The following SH3RF2 variants were observed in gnomAD, a reference collection of about 807,000 sequenced individuals.
The protein encoded by SH3RF2 is SH3 domain containing ring finger 2, also known as E3 ubiquitin-protein ligase SH3RF2.
A neutral mutation model predicts 59.0 loss-of-function variants in SH3RF2; 43 were observed. The ratio of observed to expected loss-of-function variants is 0.73; its 90% confidence interval spans 0.57 to 0.94. The LOEUF (loss-of-function observed/expected upper bound fraction) is 0.94, where lower values mean the gene tolerates loss of function less well. Among genes scored for constraint, SH3RF2 ranks in the 40% least tolerant of loss-of-function variants. SH3RF2 has a pLI of 0.00. For synonymous variants in SH3RF2, 391 were observed against 391.5 expected (o/e 1.00, Z 0.01); for missense variants, 930 against 940.1 (o/e 0.99, Z 0.14).
chr5:146,062,050 C>A, intron 9 of SH3RF2, among the ~76,000 whole-genome samples: 1 of 152,090 alleles, frequency 6.6e-6, no homozygotes, highest in East Asian at 1.9e-4. Flanking sequence ...TGAGATTGGC[C>A]TTAATAGTAC....
chr5:145,975,549 C>T (rs1759255308), intron 2 of SH3RF2, among the ~76,000 whole-genome samples: 1 of 152,216 alleles, frequency 6.6e-6, no homozygotes, highest in African/African-American at 2.4e-5. Context: ...CAGCTGTCTG[C>T]ACTCTTTGAC....
chr5:146,027,703 A>G (rs1280569620), intron 5 of SH3RF2, among the ~76,000 whole-genome samples: 2 of 152,238 alleles, frequency 1.3e-5, no homozygotes, highest in Non-Finnish European at 1.5e-5. Context: ...AGTGATCTTC[A>G]GGTGAAAACC....
chr5:146,023,068 T>C (rs1285642932), intron 5 of SH3RF2, among the ~76,000 whole-genome samples: 2 of 152,052 alleles, frequency 1.3e-5, no homozygotes, highest in Non-Finnish European at 2.9e-5. Flanking sequence ...ATTCTACATA[T>C]CCCTCCTTCT....
At chr5:145,949,627 A>G (rs902839230) in intron 2 of SH3RF2, among the ~76,000 whole-genome samples, 1 of 152,206 alleles carries the variant, frequency 6.6e-6, no homozygotes, top group Non-Finnish European at 1.5e-5. Flanking sequence ...CACAGCTGAG[A>G]GAAAGCCGAG....
chr5:146,071,238 T>C (rs1029515424), intron 9 of SH3RF2, among the ~76,000 whole-genome samples: 34 of 152,192 alleles, frequency 2.2e-4, no homozygotes, highest in Non-Finnish European at 2.9e-4. Context: ...CAAAAGGTTG[T>C]ACCCAGATTC....
downstream of SH3RF2, among the ~76,000 whole-genome samples, chr5:146,067,622 A>G (rs1007136049): frequency 6.6e-6 from 1 of 152,206 alleles, no homozygotes; most frequent in Non-Finnish European, 1.5e-5. Context: ...TGATTCACAT[A>G]AAGTGTGAGG....
At chr5:146,070,771 T>C (rs1000942147) in intron 9 of SH3RF2, among the ~76,000 whole-genome samples, 5 of 152,196 alleles carry the variant, frequency 3.3e-5, no homozygotes, top group African/African-American at 4.8e-5. Flanking sequence ...ATGCAATTTC[T>C]TTTGGGGGGT....
chr5:146,026,307 T>A (rs2024058), intron 5 of SH3RF2, among the ~76,000 whole-genome samples: 4 of 151,814 alleles, frequency 2.6e-5, no homozygotes, highest in Admixed American at 2.6e-4. Flanking sequence ...GGCAGTAACC[T>A]TTATTTGCAC....
At chr5:145,995,439 C>T (rs1329210370) in intron 2 of SH3RF2, among the ~76,000 whole-genome samples, 1 of 152,106 alleles carries the variant, frequency 6.6e-6, no homozygotes, top group Admixed American at 6.6e-5. Flanking sequence ...TGGGTCATTC[C>T]CCAGAAACCC....
chr5:145,941,087 G>A (rs1009213221), intron 2 of SH3RF2, among the ~76,000 whole-genome samples: 1 of 152,110 alleles, frequency 6.6e-6, no homozygotes, highest in South Asian at 2.1e-4. Context: ...TTGTCACAGG[G>A]CACCATTTTG....
At chr5:145,942,868 G>A (rs1757871090) in intron 2 of SH3RF2, among the ~76,000 whole-genome samples, 1 of 152,126 alleles carries the variant, frequency 6.6e-6, no homozygotes, top group South Asian at 2.1e-4. Flanking sequence ...ATTGCTTACT[G>A]TAGCATTTAA....
At chr5:146,015,908 C>T (rs1301250470) in intron 5 of SH3RF2, among the ~76,000 whole-genome samples, 1 of 152,124 alleles carries the variant, frequency 6.6e-6, no homozygotes, top group East Asian at 1.9e-4. Context: ...AAAACACACT[C>T]GAAATGGCCC....
At chr5:145,997,325 C>A in intron 2 of SH3RF2, 1 of 1,117,522 alleles carries the variant, frequency 8.9e-7, no homozygotes, top group South Asian at 1.2e-5. Flanking sequence ...CAGAGCAGCT[C>A]CCCGTATATA....
intron 2 of SH3RF2, among the ~76,000 whole-genome samples, chr5:145,980,011 G>A (rs1055438703): frequency 6.6e-6 from 1 of 152,178 alleles, no homozygotes; most frequent in South Asian, 2.1e-4. Context: ...TGCTCAGCAC[G>A]GGGCAATGCT....
rs541275250 is a variant in SH3RF2 at position 146,008,900 on chromosome 5, C to T, written c.744+4747C>T. The stretch of plus-strand genomic sequence containing the variant: ...TCATACAGAATGTAGCTTTTTGAGT[C>T]GGGCTTCTTTCATTTTGCATAAAGC... On this transcript the variant is annotated intron_variant, in intron 4 of 9. Coordinates refer to ENST00000359120, the MANE Select transcript of SH3RF2 (RefSeq NM_152550.4). 1.1e-4 allele frequency among the ~76,000 whole-genome samples: 17 copies of T among 152,220 alleles called. 3 individuals are homozygous for T. Among genetic ancestry groups the T allele is most frequent in the African/African-American group, 3.6e-4 (15 of 41,556 alleles).
chr5:145,988,639 GA>G (rs895792804), intron 2 of SH3RF2, among the ~76,000 whole-genome samples: 10 of 151,438 alleles, frequency 6.6e-5, no homozygotes, highest in African/African-American at 1.7e-4. Flanking sequence ...AGTTTTCTAT[GA>G]AAAAAAACAA....
intron 4 of SH3RF2, among the ~76,000 whole-genome samples, chr5:146,005,642 T>C (rs1760612834): frequency 6.6e-6 from 1 of 152,154 alleles, no homozygotes; most frequent in East Asian, 1.9e-4. Context: ...TCCTAATGCC[T>C]TTTCTCTTGC....
At position 146,062,708 on chromosome 5, in the gene SH3RF2, G is replaced by A. The variant is rs753613022; in HGVS notation, c.*7G>A. 6.8e-6 allele frequency: 11 copies of A among 1,609,442 alleles called. No individual in the cohort carries two copies. The highest frequency in any genetic ancestry group is 6.7e-5 in the Admixed American group (4 of 59,866). On this transcript the variant is annotated 3_prime_UTR_variant, in exon 10 of 10. Transcript: ENST00000359120. ...CGTGTTTCCCAGCAAATGAACCTAC[G>A]GGTGGCTTTTCCTAGACCCCAAAGA...
At chr5:146,069,839 G>T (rs1763193971) in intron 9 of SH3RF2, among the ~76,000 whole-genome samples, 1 of 152,098 alleles carries the variant, frequency 6.6e-6, no homozygotes, top group Non-Finnish European at 1.5e-5. Flanking sequence ...CTCCCAAAGT[G>T]CTGAGATTAC....
Sources: gnomAD v4.1 joint callset for allele counts (sites outside exome capture counted in the v4.1 genomes callset) on GRCh38, gnomAD v4.1.1 for gene constraint, MANE v1.5 for transcripts, NCBI Gene and HGNC (gene_info 2026-07-23, HGNC 2026-07-21) for gene names.